Variants in ADARB2 observed in about 807,000 individuals in gnomAD.
The protein encoded by ADARB2 is adenosine deaminase RNA specific B2 (inactive).
In ADARB2, 25 loss-of-function variants were observed where a neutral mutation model predicts 62.2. The observed-to-expected ratio is 0.40, with a 90% confidence interval of 0.29 to 0.56. ADARB2 has a LOEUF of 0.56. Ranked by LOEUF, ADARB2 falls within the 20% of genes least tolerant of loss-of-function variation. The pLI is 0.43. For synonymous variants in ADARB2, 572 were observed against 500.8 expected (o/e 1.14, Z -1.90); for missense variants, 1,071 against 1,077.4 (o/e 0.99, Z 0.08).
At chr10:1,272,714 A>G (rs966881476) in intron 3 of ADARB2, among the ~76,000 whole-genome samples, 3 of 152,258 alleles carry the variant, frequency 2.0e-5, no homozygotes, top group Admixed American at 2.0e-4. Flanking sequence ...CTCCCAGTCC[A>G]GGCTGCTCCC....
Position 1,363,841 on chromosome 10 carries a change from C to A in ADARB2, c.264G>T (p.Arg88=). The A allele has an allele frequency of 6.4e-7, 1 of 1,554,332 alleles. No homozygotes were observed. The highest frequency in any genetic ancestry group is 8.6e-7 in the Non-Finnish European group (1 of 1,157,308). ...TCGCGCCGGGCGCGCCGCCCCGGGC[C>A]CGGTCCCCGGAGGGCGGTGGCCGCG... is the stretch of plus-strand genomic sequence containing the variant. ...LAARPPPSGD[R]ARGGAPGAKR... The change falls in exon 3 of 10, where the codon CGG becomes CGT. Residue 88 remains arginine (R), a synonymous_variant. Coordinates refer to ENST00000381312, the MANE Select transcript of ADARB2 (RefSeq NM_018702.4).
chr10:1,478,204 G>A (rs532186106), intron 1 of ADARB2, among the ~76,000 whole-genome samples: 6 of 152,328 alleles, frequency 3.9e-5, no homozygotes, highest in East Asian at 1.9e-4. Context: ...GCATTCAGGC[G>A]TGATGTTATT....
intron 1 of ADARB2, among the ~76,000 whole-genome samples, chr10:1,634,882 GAACA>G (rs1189480488): frequency 6.6e-6 from 1 of 152,122 alleles, no homozygotes; most frequent in South Asian, 2.1e-4. Context: ...TTACTTTCCA[GAACA>G]AACATTTTTT....
intron 1 of ADARB2, among the ~76,000 whole-genome samples, chr10:1,498,413 A>AT (rs888582708): frequency 4.0e-5 from 6 of 151,660 alleles, no homozygotes; most frequent in African/African-American, 7.3e-5. Flanking sequence ...TAAATAAGTA[A>AT]TTTTTTTAAA....
At chr10:1,605,245 G>A (rs1223806999) in intron 1 of ADARB2, among the ~76,000 whole-genome samples, 7 of 152,188 alleles carry the variant, frequency 4.6e-5, no homozygotes, top group African/African-American at 1.7e-4. Flanking sequence ...GTCCCTGAGC[G>A]CCTCGTTCCT....
intron 1 of ADARB2, among the ~76,000 whole-genome samples, chr10:1,650,392 C>G (rs1292261508): frequency 3.3e-5 from 5 of 152,136 alleles, no homozygotes; most frequent in Non-Finnish European, 5.9e-5. Flanking sequence ...TTGCTAGGAC[C>G]TTTGACAAGC....
chr10:1,416,391 A>T (rs1744950678), intron 1 of ADARB2, among the ~76,000 whole-genome samples: 1 of 152,220 alleles, frequency 6.6e-6, no homozygotes, highest in Admixed American at 6.5e-5. Flanking sequence ...GACGCCAATC[A>T]TTCTATTGCA....
chr10:1,574,456 G>A (rs1832983422), intron 1 of ADARB2, among the ~76,000 whole-genome samples: 2 of 152,146 alleles, frequency 1.3e-5, no homozygotes, highest in Admixed American at 1.3e-4. Flanking sequence ...GACTTTCCTG[G>A]AAAGCACCAC....
chr10:1,487,008 T>G (rs529968730), intron 1 of ADARB2, among the ~76,000 whole-genome samples: 3 of 152,176 alleles, frequency 2.0e-5, no homozygotes, highest in Non-Finnish European at 4.4e-5. Flanking sequence ...CAGTGCTCAT[T>G]GTGTGTGAGA....
intron 3 of ADARB2, among the ~76,000 whole-genome samples, chr10:1,319,702 T>G (rs758421554): frequency 2.6e-5 from 4 of 152,232 alleles, no homozygotes; most frequent in Admixed American, 1.3e-4. Flanking sequence ...TCCCTCTTTG[T>G]CTTGAATGCC....
chr10:1,540,545 TCACAG>T (rs772908940), intron 1 of ADARB2, among the ~76,000 whole-genome samples: 7 of 92,568 alleles, frequency 7.6e-5, no homozygotes, highest in African/African-American at 2.6e-4. Flanking sequence ...AGACCCTGGA[TCACAG>T]CCGTCCAGAC....
intron 3 of ADARB2, among the ~76,000 whole-genome samples, chr10:1,336,644 G>A (rs1188435471): frequency 1.3e-5 from 2 of 152,150 alleles, no homozygotes; most frequent in Non-Finnish European, 2.9e-5. Flanking sequence ...AGCTGCTTGT[G>A]AATTATGAGG....
intron 1 of ADARB2, among the ~76,000 whole-genome samples, chr10:1,463,921 A>G (rs1831209402): frequency 6.6e-6 from 1 of 152,258 alleles, no homozygotes. Context: ...ACAGAAGAAC[A>G]CAAAGGACAG....
intron 3 of ADARB2, among the ~76,000 whole-genome samples, chr10:1,293,588 G>C (rs1041390666): frequency 5.9e-5 from 9 of 152,194 alleles, no homozygotes; most frequent in African/African-American, 1.9e-4. Context: ...ACCAGTGGAA[G>C]TCTGTCCAGT....
intron 1 of ADARB2, among the ~76,000 whole-genome samples, chr10:1,441,012 G>C (rs1387786602): frequency 6.6e-6 from 1 of 152,166 alleles, no homozygotes. Flanking sequence ...ACACTTTATG[G>C]GTTCACTGGT....
At chr10:1,514,357 G>T (rs1288442841) in intron 1 of ADARB2, among the ~76,000 whole-genome samples, 3 of 151,670 alleles carry the variant, frequency 2.0e-5, no homozygotes, top group Non-Finnish European at 4.4e-5. Context: ...CAATTTCAGG[G>T]TAACAGCCGT....
chr10:1,691,571 G>T (rs1329203956), intron 1 of ADARB2, among the ~76,000 whole-genome samples: 7 of 152,140 alleles, frequency 4.6e-5, no homozygotes, highest in African/African-American at 9.7e-5. Flanking sequence ...ACTACATGTT[G>T]AAGGGGTAAC....
intron 3 of ADARB2, among the ~76,000 whole-genome samples, chr10:1,342,839 T>G (rs1832043059): frequency 6.6e-6 from 1 of 152,248 alleles, no homozygotes; most frequent in Non-Finnish European, 1.5e-5. Flanking sequence ...TTAGTCCTTT[T>G]TTTGAACACA....
At position 1,471,053 on chromosome 10, in the gene ADARB2, C is replaced by T. The variant is rs145808878; in HGVS notation, c.101-91893G>A. ...CAGCCTGGGCAACAGAGTGAGACTC[C>T]GTCTAAAAAAAACAAAAACAAACCC... On this transcript the variant is annotated intron_variant, in intron 1 of 9. Transcript: ENST00000381312. 8.3e-3 allele frequency among the ~76,000 whole-genome samples: 1,260 copies of T among 152,098 alleles called. 14 individuals are homozygous for T. Among genetic ancestry groups the T allele is most frequent in the Middle Eastern group, 0.02 (6 of 294 alleles).
Sources: gnomAD v4.1 joint callset for allele counts (sites outside exome capture counted in the v4.1 genomes callset) on GRCh38, gnomAD v4.1.1 for gene constraint, MANE v1.5 for transcripts, NCBI Gene and HGNC (gene_info 2026-07-23, HGNC 2026-07-21) for gene names.